SH3RF3: variants seen among roughly 807,000 people sequenced by gnomAD.
SH3RF3 encodes the protein E3 ubiquitin-protein ligase SH3RF3.
Under a neutral mutation model 66.3 loss-of-function variants are expected in SH3RF3, and 29 were observed. That is an observed-to-expected ratio of 0.44 (90% CI 0.33 to 0.60). The LOEUF (loss-of-function observed/expected upper bound fraction) is 0.60, where lower values mean the gene tolerates loss of function less well. Ranked by LOEUF, SH3RF3 falls within the 20% of genes least tolerant of loss-of-function variation. The pLI, the probability that SH3RF3 is intolerant of heterozygous loss-of-function variation, is 0.04. For synonymous variants in SH3RF3, 583 were observed against 532.0 expected (o/e 1.10, Z -1.32); for missense variants, 1,194 against 1,190.9 (o/e 1.00, Z -0.04).
chr2:109,157,961 G>A (rs1450844085), intron 1 of SH3RF3, among the ~76,000 whole-genome samples: 1 of 152,146 alleles, frequency 6.6e-6, no homozygotes, highest in African/African-American at 2.4e-5. Context: ...TAGTGACGAG[G>A]GAGTACTTGC....
chr2:109,297,103 C>T (rs62152183), intron 1 of SH3RF3, among the ~76,000 whole-genome samples: 1 of 151,684 alleles, frequency 6.6e-6, no homozygotes, highest in Non-Finnish European at 1.5e-5. Flanking sequence ...GGATGGGAAG[C>T]CCAATACGGC....
intron 1 of SH3RF3, among the ~76,000 whole-genome samples, chr2:109,312,843 A>C (rs1436603861): frequency 6.6e-6 from 1 of 152,120 alleles, no homozygotes; most frequent in African/African-American, 2.4e-5. Flanking sequence ...TTGGGTACAA[A>C]CATTTGCTTG....
intron 8 of SH3RF3, among the ~76,000 whole-genome samples, chr2:109,483,788 C>A (rs977169527): frequency 2.0e-5 from 3 of 152,168 alleles, no homozygotes; most frequent in Non-Finnish European, 4.4e-5. Flanking sequence ...CCTCCCCAGG[C>A]TGCAGGCGCT....
At chr2:109,430,357 A>G (rs1005127980) in intron 5 of SH3RF3, among the ~76,000 whole-genome samples, 5 of 152,194 alleles carry the variant, frequency 3.3e-5, no homozygotes, top group African/African-American at 1.2e-4. Flanking sequence ...TTACTGATTC[A>G]CAAGCCTTCC....
intron 1 of SH3RF3, 41 bp downstream of exon 1, chr2:109,130,154 A>G (rs1574465084): frequency 7.9e-7 from 1 of 1,270,994 alleles, no homozygotes; most frequent in Non-Finnish European, 9.9e-7. Context: ...GGCACGTGGG[A>G]GTGTGTGGGT....
chr2:109,359,316 T>G (rs1170043804), intron 2 of SH3RF3, among the ~76,000 whole-genome samples: 1 of 152,250 alleles, frequency 6.6e-6, no homozygotes, highest in East Asian at 1.9e-4. Flanking sequence ...AAGAACTTGC[T>G]GATACTTTGA....
At chr2:109,360,622 C>A (rs1325140879) in intron 2 of SH3RF3, among the ~76,000 whole-genome samples, 13 of 152,192 alleles carry the variant, frequency 8.5e-5, no homozygotes, top group Non-Finnish European at 1.5e-5. Context: ...ATAAAAGATA[C>A]TCAGCCTGTA....
intron 1 of SH3RF3, among the ~76,000 whole-genome samples, chr2:109,310,656 G>A (rs1681703662): frequency 1.7e-5 from 1 of 58,282 alleles, no homozygotes; most frequent in Non-Finnish European, 2.7e-5. Flanking sequence ...ATGATAAAGG[G>A]GATATCACCA....
chr2:109,449,130 C>T (rs1184350789), intron 7 of SH3RF3, 40 bp from the exon 8 acceptor site: 3 of 1,593,592 alleles, frequency 1.9e-6, no homozygotes, highest in Admixed American at 3.5e-5. Context: ...AAGTTGCAAA[C>T]TAACCTTTCA....
chr2:109,323,125 T>C (rs1222977381), intron 1 of SH3RF3, among the ~76,000 whole-genome samples: 1 of 152,164 alleles, frequency 6.6e-6, no homozygotes, highest in Non-Finnish European at 1.5e-5. Context: ...TCCCAGCATA[T>C]GCTCCAGAGA....
At position 109,129,896 on chromosome 2, in the gene SH3RF3, A is replaced by G. The variant is rs1420661042; in HGVS notation, c.356A>G (p.Asp119Gly). The change falls in exon 1 of 10, where the codon GAC becomes GGC. Residue 119 changes from aspartate (D) to glycine (G), a missense_variant. Coordinates refer to ENST00000309415, the MANE Select transcript of SH3RF3 (RefSeq NM_001099289.3). Reference protein sequence around the residue: ...PANILLVRLLDGIRQRPRAGT... With the variant: ...PANILLVRLLGGIRQRPRAGT... ...AACATCTTGCTGGTGCGACTGCTGGACGGCATCCGTCAGCGGCCCCGCGCG... is the reference window on the plus strand; with the variant it reads ...AACATCTTGCTGGTGCGACTGCTGGGCGGCATCCGTCAGCGGCCCCGCGCG... The G allele has an allele frequency of 4.0e-6, 6 of 1,512,988 alleles. No individual in the cohort carries two copies. Among genetic ancestry groups the G allele is most frequent in the Non-Finnish European group, 4.4e-6 (5 of 1,136,394 alleles). The allele number at this position is 1,512,988 out of a possible 1,614,324, so 93.7% of individuals were successfully genotyped here. A position where few individuals can be genotyped will look rare whatever the true frequency, so the allele number is the denominator to read the frequency against.
chr2:109,454,793 C>A (rs1573265527), intron 8 of SH3RF3, among the ~76,000 whole-genome samples: 1 of 152,024 alleles, frequency 6.6e-6, no homozygotes, highest in Non-Finnish European at 1.5e-5. Context: ...AAAAACATCT[C>A]GAAGCCTTAG....
At chr2:109,390,371 G>C (rs1245459313) in intron 3 of SH3RF3, among the ~76,000 whole-genome samples, 5 of 152,166 alleles carry the variant, frequency 3.3e-5, no homozygotes, top group Non-Finnish European at 5.9e-5. Context: ...GGCTAATCAG[G>C]CCGTTCTGCT....
chr2:109,274,886 C>T (rs1680716296), intron 1 of SH3RF3, among the ~76,000 whole-genome samples: 1 of 144,048 alleles, frequency 6.9e-6, no homozygotes, highest in Non-Finnish European at 1.5e-5. Flanking sequence ...TAAAAATGTT[C>T]TAGATAGAGG....
At chr2:109,353,548 G>A (rs1559039316) in intron 2 of SH3RF3, among the ~76,000 whole-genome samples, 1 of 152,198 alleles carries the variant, frequency 6.6e-6, no homozygotes, top group East Asian at 1.9e-4. Context: ...GACGTGGAGG[G>A]AAGCCCTAAC....
Position 109,357,206 on chromosome 2 carries a change from G to A in SH3RF3, c.849+9257G>A, listed in dbSNP as rs187997964. Among the ~76,000 whole-genome samples the A allele has an allele frequency of 3.5e-3, 524 of 151,294 alleles. 3 individuals carry two copies. The highest frequency in any genetic ancestry group is 4.7e-3 in the Non-Finnish European group (317 of 67,878). On this transcript the variant is annotated intron_variant, in intron 2 of 9. Transcript: ENST00000309415. ...GTTTTTTGGTTTTTTTTTTGAGACG[G>A]AGTCTTACTCTGTCGCCCAGGCTGG... is the stretch of plus-strand genomic sequence containing the variant.
intron 1 of SH3RF3, among the ~76,000 whole-genome samples, chr2:109,188,843 T>C (rs1678265172): frequency 6.6e-6 from 1 of 152,186 alleles, no homozygotes; most frequent in Non-Finnish European, 1.5e-5. Flanking sequence ...GGTGCTTCTC[T>C]CTGTGCAGTT....
At chr2:109,278,862 C>T (rs569641063) in intron 1 of SH3RF3, among the ~76,000 whole-genome samples, 51 of 152,248 alleles carry the variant, frequency 3.3e-4, no homozygotes, top group African/African-American at 1.2e-3. Context: ...AGTGTGGGGA[C>T]GTGCACTCTG....
intron 1 of SH3RF3, among the ~76,000 whole-genome samples, chr2:109,284,321 C>A (rs752113297): frequency 6.6e-6 from 1 of 152,184 alleles, no homozygotes; most frequent in African/African-American, 2.4e-5. Context: ...CATTTTTATT[C>A]TTAAAGCATT....
Sources: gnomAD v4.1 joint callset for allele counts (sites outside exome capture counted in the v4.1 genomes callset) on GRCh38, gnomAD v4.1.1 for gene constraint, MANE v1.5 for transcripts, NCBI Gene and HGNC (gene_info 2026-07-23, HGNC 2026-07-21) for gene names.